The following SUPT3H variants were observed in gnomAD, a reference collection of about 807,000 sequenced individuals.
The protein encoded by SUPT3H is SPT3 homolog, SAGA and STAGA complex component.
Under a neutral mutation model 44.3 loss-of-function variants are expected in SUPT3H, and 44 were observed. The ratio of observed to expected loss-of-function variants is 0.99; its 90% CI spans 0.78 to 1.28. The LOEUF (loss-of-function observed/expected upper bound fraction) is 1.28, where lower values mean the gene tolerates loss of function less well. SUPT3H is among the 50% of genes most tolerant of loss of function. The pLI, the probability that SUPT3H is intolerant of heterozygous loss-of-function variation, is 0.00. For missense variants in SUPT3H, 380 were observed against 387.1 expected (o/e 0.98, Z 0.15); for synonymous variants, 124 against 125.6 (o/e 0.99, Z 0.09).
intron 4 of SUPT3H, among the ~76,000 whole-genome samples, chr6:45,017,882 G>A (rs1784536833): frequency 1.4e-5 from 2 of 145,292 alleles, no homozygotes; most frequent in African/African-American, 5.3e-5. Context: ...ATTCTGTGAA[G>A]AAAGTCATTG....
In SUPT3H at chr6:45,058,725, T is replaced by C. The variant is rs568290443; in HGVS notation, c.187-38093A>G. ...AGGTTCATTATGATTCATTATCCCT[T>C]CCCCTGCCCCATCATTTTTAGCTCT... On this transcript the variant is annotated intron_variant, in intron 3 of 10. Coordinates refer to ENST00000371459, the MANE Select transcript of SUPT3H (RefSeq NM_003599.4). Among the ~76,000 whole-genome samples, 140 of 152,164 alleles carry C rather than the reference T, an allele frequency of 9.2e-4. 1 individual carries two copies. The highest frequency in any genetic ancestry group is 1.7e-3 in the Non-Finnish European group (117 of 67,950).
intron 6 of SUPT3H, among the ~76,000 whole-genome samples, chr6:44,987,510 A>G (rs1249054103): frequency 2.0e-5 from 3 of 152,106 alleles, no homozygotes. Flanking sequence ...AGAATTGACC[A>G]ATGTATTTGG....
chr6:45,079,442 A>G (rs544099139), intron 3 of SUPT3H, among the ~76,000 whole-genome samples: 6 of 150,992 alleles, frequency 4.0e-5, no homozygotes, highest in African/African-American at 1.5e-4. Flanking sequence ...AGGAGGAAGA[A>G]GAAGGGGGAA....
intron 6 of SUPT3H, among the ~76,000 whole-genome samples, chr6:44,976,314 T>C (rs1004535358): frequency 1.3e-5 from 2 of 151,988 alleles, no homozygotes; most frequent in Non-Finnish European, 2.9e-5. Context: ...CGTAAATTCC[T>C]AAATACTTAA....
intron 2 of SUPT3H, among the ~76,000 whole-genome samples, chr6:45,264,395 C>G (rs181053238): frequency 2.0e-5 from 3 of 152,240 alleles, no homozygotes; most frequent in South Asian, 2.1e-4. Flanking sequence ...CACGGTGGCT[C>G]ACGCCTGTAA....
intron 10 of SUPT3H, among the ~76,000 whole-genome samples, chr6:44,836,551 C>T (rs1033527469): frequency 1.3e-5 from 2 of 152,158 alleles, no homozygotes; most frequent in African/African-American, 2.4e-5. Context: ...TTCCCTAACT[C>T]TATGCCAGTC....
intron 2 of SUPT3H, chr6:45,321,756 C>T (rs1584904564): frequency 7.1e-7 from 1 of 1,402,832 alleles, no homozygotes; most frequent in Middle Eastern, 1.8e-4. Context: ...TAAACTTGTT[C>T]TCTTGAAAAG....
At chr6:44,960,419 CAAAAAA>C (rs752377751) in intron 7 of SUPT3H, among the ~76,000 whole-genome samples, 3 of 91,260 alleles carry the variant, frequency 3.3e-5, no homozygotes, top group Non-Finnish European at 6.3e-5. Flanking sequence ...GATTCCATCT[CAAAAAA>C]AAAAAAAAAA....
intron 2 of SUPT3H, among the ~76,000 whole-genome samples, chr6:45,341,362 G>A (rs1408635886): frequency 6.6e-6 from 1 of 152,008 alleles, no homozygotes; most frequent in Non-Finnish European, 1.5e-5. Flanking sequence ...AAGCTGTTTG[G>A]GGATCTATGA....
downstream of SUPT3H, among the ~76,000 whole-genome samples, chr6:44,822,210 T>C (rs1767375709): frequency 6.6e-6 from 1 of 152,210 alleles, no homozygotes; most frequent in Non-Finnish European, 1.5e-5. Flanking sequence ...TGTTGATTGC[T>C]TGATTTTCAT....
At chr6:45,061,202 C>T (rs1791953784) in intron 3 of SUPT3H, among the ~76,000 whole-genome samples, 1 of 152,090 alleles carries the variant, frequency 6.6e-6, no homozygotes, top group Non-Finnish European at 1.5e-5. Context: ...AATCCAAATG[C>T]CCATCAATTA....
At chr6:45,155,936 A>T in intron 2 of SUPT3H, among the ~76,000 whole-genome samples, 1 of 152,186 alleles carries the variant, frequency 6.6e-6, no homozygotes, top group East Asian at 1.9e-4. Flanking sequence ...TTTTTGAACT[A>T]TACCTTACAG....
chr6:45,052,538 C>T (rs1344895306), intron 3 of SUPT3H, among the ~76,000 whole-genome samples: 2 of 152,174 alleles, frequency 1.3e-5, no homozygotes, highest in African/African-American at 4.8e-5. Flanking sequence ...CTGCGTTTCT[C>T]AGTGGATGAC....
At chr6:44,982,229 A>G (rs1337256576) in intron 6 of SUPT3H, among the ~76,000 whole-genome samples, 1 of 151,728 alleles carries the variant, frequency 6.6e-6, no homozygotes, top group Non-Finnish European at 1.5e-5. Context: ...TCTGTCACCC[A>G]GGCTTTTTTT....
At chr6:45,218,787 C>T (rs1391817300) in intron 2 of SUPT3H, among the ~76,000 whole-genome samples, 4 of 152,028 alleles carry the variant, frequency 2.6e-5, no homozygotes, top group Non-Finnish European at 5.9e-5. Context: ...CTGAACAACA[C>T]ACTCAACAAA....
chr6:44,917,236 A>G (rs554001596), intron 10 of SUPT3H, among the ~76,000 whole-genome samples: 4 of 152,122 alleles, frequency 2.6e-5, no homozygotes, highest in Non-Finnish European at 2.9e-5. Context: ...CCCTTGAAAA[A>G]CCATCAAAGA....
chr6:45,122,095 T>TA (rs1313435743), intron 2 of SUPT3H, among the ~76,000 whole-genome samples: 1 of 152,136 alleles, frequency 6.6e-6, no homozygotes, highest in Non-Finnish European at 1.5e-5. Flanking sequence ...ATATTAACTT[T>TA]AAAAAAGAAA....
intron 6 of SUPT3H, among the ~76,000 whole-genome samples, chr6:44,989,848 T>TG (rs1780356580): frequency 6.6e-6 from 1 of 152,060 alleles, no homozygotes; most frequent in Non-Finnish European, 1.5e-5. Context: ...TTAATTGGGT[T>TG]GTTATTTTGC....
intron 2 of SUPT3H, among the ~76,000 whole-genome samples, chr6:45,217,875 G>A (rs1219908321): frequency 6.7e-6 from 1 of 150,178 alleles, no homozygotes; most frequent in African/African-American, 2.5e-5. Context: ...GAGTGACAGA[G>A]CAAGACTCTG....
Sources: allele counts gnomAD v4.1 joint callset (sites outside exome capture counted in the v4.1 genomes callset), GRCh38; gene constraint gnomAD v4.1.1; transcripts MANE v1.5; gene names NCBI Gene and HGNC (gene_info 2026-07-23, HGNC 2026-07-21).